PTPN20: variants seen among roughly 807,000 people sequenced by gnomAD.
PTPN20 encodes the protein tyrosine-protein phosphatase non-receptor type 20.
PTPN20 carries 9 observed loss-of-function variants against 35.0 expected under a neutral mutation model. That is an observed-to-expected ratio of 0.26 (90% CI 0.15 to 0.45). PTPN20 has a LOEUF of 0.45. Ranked by LOEUF, PTPN20 falls within the 20% of genes least tolerant of loss-of-function variation. PTPN20 has a pLI of 1.00. For missense variants in PTPN20, 111 were observed against 312.5 expected (o/e 0.36, Z 4.86); for synonymous variants, 32 against 100.2 (o/e 0.32, Z 4.06).
chr10:46,930,463 A>G (rs1246415854), intron 1 of PTPN20, among the ~76,000 whole-genome samples: 2 of 150,744 alleles, frequency 1.3e-5, no homozygotes, highest in African/African-American at 4.9e-5. Context: ...GGTAGGCAGA[A>G]GCTTAGGTGT....
intron 3 of PTPN20, among the ~76,000 whole-genome samples, chr10:46,940,947 A>G (rs1324817094): frequency 6.6e-6 from 1 of 151,832 alleles, no homozygotes; most frequent in East Asian, 1.9e-4. Context: ...TACAGGCACT[A>G]GTTTTGTGTT....
At chr10:46,937,857 G>C (rs1589358270) in intron 2 of PTPN20, among the ~76,000 whole-genome samples, 2 of 150,090 alleles carry the variant, frequency 1.3e-5, no homozygotes, top group South Asian at 4.2e-4. Flanking sequence ...TGGCATACCT[G>C]TTAATTGTTT....
intron 1 of PTPN20, among the ~76,000 whole-genome samples, chr10:46,926,319 A>G (rs1172288775): frequency 6.6e-6 from 1 of 151,834 alleles, no homozygotes; most frequent in African/African-American, 2.4e-5. Context: ...TTGGACATGT[A>G]TATTTTTATA....
chr10:46,941,614 T>C (rs1178161357), intron 3 of PTPN20, among the ~76,000 whole-genome samples: 2 of 144,984 alleles, frequency 1.4e-5, no homozygotes, highest in African/African-American at 5.3e-5. Context: ...GTATATCCTT[T>C]ATATAGTCTT....
intron 9 of PTPN20, among the ~76,000 whole-genome samples, chr10:46,997,112 A>G (rs2059249582): frequency 6.6e-6 from 1 of 152,182 alleles, no homozygotes; most frequent in African/African-American, 2.4e-5. Flanking sequence ...TGAACATGGT[A>G]AGTGTATTTA....
intron 5 of PTPN20, among the ~76,000 whole-genome samples, chr10:46,960,530 A>G (rs2049675601): frequency 6.6e-6 from 1 of 151,396 alleles, no homozygotes; most frequent in Admixed American, 6.6e-5. Context: ...CTCTCCATTG[A>G]AATTCTCCAT....
intron 2 of PTPN20, 21 bp downstream of exon 2, chr10:46,932,554 T>A (rs2040063083): frequency 6.2e-7 from 1 of 1,611,942 alleles, no homozygotes; most frequent in Non-Finnish European, 8.5e-7. Flanking sequence ...CATCTACTTT[T>A]GTGGGTATGG....
Position 47,000,842 on chromosome 10 carries a change from A to G in PTPN20, c.*101A>G. On this transcript the variant is annotated 3_prime_UTR_variant, in exon 11 of 11. Transcript: ENST00000374339. The stretch of plus-strand genomic sequence containing the variant: ...TGCTGAAGGGCTTTGCTATGCATAC[A>G]ATCTGCTTTCTTGGTTTATCAGTTT... The G allele has an allele frequency of 7.2e-7, 1 of 1,395,238 alleles. No homozygotes were observed. The allele number at this position is 1,395,238 out of a possible 1,614,324, so 86.4% of individuals were successfully genotyped here.
At chr10:46,947,390 T>C (rs2045238240) in intron 5 of PTPN20, among the ~76,000 whole-genome samples, 2 of 151,108 alleles carry the variant, frequency 1.3e-5, no homozygotes, top group Non-Finnish European at 2.9e-5. Context: ...TCAAATCCAG[T>C]TAAGAAAATA....
At chr10:46,948,900 C>T (rs1455967314) in intron 5 of PTPN20, among the ~76,000 whole-genome samples, 4 of 148,638 alleles carry the variant, frequency 2.7e-5, no homozygotes, top group Non-Finnish European at 5.9e-5. Context: ...ACACCTTTGG[C>T]AAGTCTACAG....
rs1383660977 is a variant in PTPN20 at position 47,001,058 on chromosome 10, A to G, written c.*317A>G. 10 of 369,464 alleles carry G rather than the reference A, an allele frequency of 2.7e-5. No homozygotes were observed. The highest frequency in any genetic ancestry group is 4.2e-5 in the African/African-American group (2 of 48,050). The allele number at this position is 369,464 out of a possible 1,614,324, so 22.9% of individuals were successfully genotyped here. On this transcript the variant is annotated 3_prime_UTR_variant, in exon 11 of 11. Transcript: ENST00000374339. ...CAGAGCCCAATAAAGGATTTAAAAT[A>G]TATTCATTAAGATTTTATTTGGAAA...
At chr10:46,950,719 A>G (rs2134597955) in intron 5 of PTPN20, among the ~76,000 whole-genome samples, 1 of 152,176 alleles carries the variant, frequency 6.6e-6, no homozygotes, top group East Asian at 1.9e-4. Flanking sequence ...AGAAAAAGTT[A>G]ATAATTTCCT....
At chr10:46,937,964 T>TG (rs2042259022) in intron 2 of PTPN20, among the ~76,000 whole-genome samples, 1 of 149,806 alleles carries the variant, frequency 6.7e-6, no homozygotes, top group African/African-American at 2.5e-5. Context: ...TTTTTTTTTT[T>TG]TCTTAGACAG....
At chr10:46,951,022 T>C (rs2790933) in intron 5 of PTPN20, among the ~76,000 whole-genome samples, 58,842 of 128,178 alleles carry the variant, frequency 0.46, 14,715 homozygotes, top group Middle Eastern at 0.57. Context: ...TATATTTACA[T>C]GTATTTCCTA....
chr10:46,997,718 T>TA (rs1239941747), intron 9 of PTPN20, among the ~76,000 whole-genome samples: 62 of 144,374 alleles, frequency 4.3e-4, no homozygotes, highest in Middle Eastern at 3.7e-3. Context: ...AATCAATAGT[T>TA]AAAAAAAAAA....
At chr10:46,933,473 C>T (rs1363975322) in intron 2 of PTPN20, among the ~76,000 whole-genome samples, 1 of 149,100 alleles carries the variant, frequency 6.7e-6, no homozygotes, top group Non-Finnish European at 1.5e-5. Context: ...TTCCTCCTTC[C>T]TCTATACCCT....
intron 5 of PTPN20, among the ~76,000 whole-genome samples, chr10:46,952,750 A>G (rs1183487541): frequency 6.6e-6 from 1 of 151,786 alleles, no homozygotes. Flanking sequence ...TTACTTAATC[A>G]CCTTGACACA....
At chr10:46,945,208 G>A (rs879979768) in intron 4 of PTPN20, among the ~76,000 whole-genome samples, 1,531 of 151,198 alleles carry the variant, frequency 0.01, 12 homozygotes, top group Middle Eastern at 0.02. Flanking sequence ...CCATATATGT[G>A]AAGCTGAGTA....
downstream of PTPN20, among the ~76,000 whole-genome samples, chr10:47,003,554 T>C (rs899399666): frequency 2.9e-5 from 4 of 137,208 alleles, no homozygotes; most frequent in South Asian, 2.6e-4. Flanking sequence ...TCTATATCTA[T>C]TAGTCTGTCT....
Sources: gnomAD v4.1 joint callset for allele counts (sites outside exome capture counted in the v4.1 genomes callset) on GRCh38, gnomAD v4.1.1 for gene constraint, MANE v1.5 for transcripts, NCBI Gene and HGNC (gene_info 2026-07-23, HGNC 2026-07-21) for gene names.